TRIM49: variants seen among roughly 807,000 people sequenced by gnomAD.
TRIM49 encodes tripartite motif-containing protein 49.
Under a neutral mutation model 27.4 loss-of-function variants are expected in TRIM49, and 5 were observed. The observed-to-expected ratio is 0.18, with a 90% confidence interval of 0.10 to 0.38. TRIM49 has a LOEUF of 0.38. TRIM49 is among the 10% of genes least tolerant of loss of function. TRIM49 has a pLI of 1.00. For missense variants in TRIM49, 188 were observed against 487.5 expected (o/e 0.39, Z 5.79); for synonymous variants, 69 against 166.0 (o/e 0.42, Z 4.49).
At chr11:89,785,967 C>G in the TRIM49 span, 3 of 140,064 alleles carry the variant, frequency 2.1e-5, no homozygotes, top group African/African-American at 8.8e-5. Context: ...GGCTGGGACT[C>G]GGCCGCAGGG....
the TRIM49 span, among the ~76,000 whole-genome samples, chr11:89,791,692 C>T: frequency 1.3e-5 from 2 of 152,032 alleles, no homozygotes; most frequent in African/African-American, 4.8e-5. Context: ...CAAGCAAATG[C>T]TGAGAGATTT....
At chr11:89,795,990 T>C (rs568326431), downstream of TRIM49, among the ~76,000 whole-genome samples, 22 of 151,662 alleles carry the variant, frequency 1.5e-4, no homozygotes, top group Non-Finnish European at 2.8e-4. Context: ...TACCTAGATA[T>C]CCGCAAATCC....
chr11:89,768,992 A>C, the TRIM49 span, among the ~76,000 whole-genome samples: 2 of 135,690 alleles, frequency 1.5e-5, no homozygotes, highest in Non-Finnish European at 3.0e-5. Context: ...TAGCCTGGAC[A>C]ACATGGCAAA....
chr11:89,793,868 G>T (rs372695506), downstream of TRIM49, among the ~76,000 whole-genome samples: 4,111 of 149,612 alleles, frequency 0.027, no homozygotes, highest in Non-Finnish European at 0.042. Flanking sequence ...ATCCAACACA[G>T]TTTTGGAAGT....
the TRIM49 span, among the ~76,000 whole-genome samples, chr11:89,790,614 C>G: frequency 6.6e-6 from 1 of 151,962 alleles, no homozygotes; most frequent in Non-Finnish European, 1.5e-5. Flanking sequence ...TCTGCAGCCT[C>G]TGCTGCTGAT....
At chr11:89,793,142 T>G (rs1392003404), downstream of TRIM49, among the ~76,000 whole-genome samples, 1 of 152,164 alleles carries the variant, frequency 6.6e-6, no homozygotes, top group Non-Finnish European at 1.5e-5. Context: ...CTAGAAAATC[T>G]AGAAGAAATG....
chr11:89,774,153 A>G, the TRIM49 span, among the ~76,000 whole-genome samples: 62 of 150,220 alleles, frequency 4.1e-4, no homozygotes, highest in African/African-American at 1.4e-3. Flanking sequence ...AGTGCCTGCC[A>G]CCGAACTCGG....
chr11:89,781,468 G>T, the TRIM49 span, among the ~76,000 whole-genome samples: 2 of 142,546 alleles, frequency 1.4e-5, no homozygotes, highest in African/African-American at 5.6e-5. Context: ...CCAAATTTTT[G>T]ATGTTTGAGA....
intron 6 of TRIM49, among the ~76,000 whole-genome samples, chr11:89,800,506 G>C (rs1308605295): frequency 3.3e-5 from 5 of 151,414 alleles, no homozygotes; most frequent in Non-Finnish European, 7.4e-5. Context: ...CACTTTGGGA[G>C]GCCGAGGCGG....
chr11:89,793,968 C>T (rs1391064286), downstream of TRIM49, among the ~76,000 whole-genome samples: 21 of 149,618 alleles, frequency 1.4e-4, no homozygotes, highest in African/African-American at 2.2e-4. Context: ...GCAGATGACA[C>T]GATTGTATGT....
the TRIM49 span, among the ~76,000 whole-genome samples, chr11:89,783,831 T>C: frequency 0.014 from 2,047 of 144,062 alleles, 159 homozygotes; most frequent in African/African-American, 0.054. Flanking sequence ...GATGCATTTC[T>C]CTCACATGTT....
At chr11:89,777,331 C>T in the TRIM49 span, 8 of 1,536,462 alleles carry the variant, frequency 5.2e-6, no homozygotes, top group Non-Finnish European at 7.0e-6. Flanking sequence ...CTCTGAGTCA[C>T]CAGAGCACAT....
At position 89,803,741 on chromosome 11, in the gene TRIM49, T is replaced by C. The variant is rs373636078; in HGVS notation, c.464A>G (p.His155Arg). 1.8e-4 allele frequency: 251 copies of C among 1,428,084 alleles called. 1 individual carries two copies. The East Asian group carries it at 4.3e-3, about 25-fold the overall frequency. 88.5% of individuals were successfully genotyped at this position (1,428,084 alleles called of 1,614,324 possible). ...GGTGGTTTCCACATTCAGGTTTCTG[T>C]GATTTTCACAAGCTTTTTCCCACAA... Reference protein sequence around the residue: ...QSLWEKACENHRNLNVETTRT... With the variant: ...QSLWEKACENRRNLNVETTRT... The change falls in exon 4 of 8, where the codon CAC becomes CGC. Residue 155 changes from histidine to arginine, a missense_variant. His to Arg is a conservative substitution (Grantham distance 29). Transcript: ENST00000329758.
rs760863845 is a variant in TRIM49 at position 89,798,424 on chromosome 11, A to G, written c.1065T>C (p.Phe355=). The G allele has an allele frequency of 4.0e-5, 64 of 1,602,842 alleles. 2 individuals carry two copies. Among genetic ancestry groups the G allele is most frequent in the Non-Finnish European group, 4.8e-5 (57 of 1,177,882 alleles). Residue 355 remains phenylalanine, a synonymous_variant, in exon 8 of 8, where the codon TTT becomes TTC. Transcript: ENST00000329758. ...VHVGDSWNWA[F]GVCNMYRKEK... is the part of the protein sequence containing the mutation. ...CTTTCCGATACATATTACAGACACC[A>G]AAAGCCCAATTCCAGGAGTCCCCTA...
At chr11:89,777,181 G>C in the TRIM49 span, 44,782 of 1,451,078 alleles carry the variant, frequency 0.031, 2,777 homozygotes, top group African/African-American at 0.048. Flanking sequence ...CAACACCAAT[G>C]TGGTACTCAA....
At chr11:89,800,465 C>T (rs1156304314) in intron 6 of TRIM49, among the ~76,000 whole-genome samples, 3 of 151,576 alleles carry the variant, frequency 2.0e-5, no homozygotes, top group Admixed American at 6.5e-5. Flanking sequence ...AATCAGGGGC[C>T]GGGCGCGGTG....
At chr11:89,785,264 A>G in the TRIM49 span, among the ~76,000 whole-genome samples, 2 of 139,470 alleles carry the variant, frequency 1.4e-5, no homozygotes, top group Non-Finnish European at 3.1e-5. Flanking sequence ...AAATAAATAA[A>G]TAAAATCACC....
At chr11:89,795,821 C>T (rs1233127922), downstream of TRIM49, among the ~76,000 whole-genome samples, 16 of 151,402 alleles carry the variant, frequency 1.1e-4, no homozygotes, top group African/African-American at 1.9e-4. Context: ...ACCAACATGG[C>T]ACATGTATAC....
At chr11:89,783,951 A>G in the TRIM49 span, among the ~76,000 whole-genome samples, 1 of 143,936 alleles carries the variant, frequency 6.9e-6, no homozygotes, top group Non-Finnish European at 1.5e-5. Context: ...GCAGCAGGAA[A>G]GCCGGGAGAA....
Sources: allele counts gnomAD v4.1 joint callset (sites outside exome capture counted in the v4.1 genomes callset), GRCh38; gene constraint gnomAD v4.1.1; transcripts MANE v1.5; gene names NCBI Gene and HGNC (gene_info 2026-07-23, HGNC 2026-07-21).